Variants in INTS1 observed in about 807,000 individuals in gnomAD.
INTS1 encodes integrator complex subunit 1.
In INTS1, 137 loss-of-function variants were observed where a neutral mutation model predicts 241.6. That is an observed-to-expected ratio of 0.57 (90% CI 0.49 to 0.65). The LOEUF (loss-of-function observed/expected upper bound fraction) is 0.65. Among genes scored for constraint, INTS1 ranks in the 30% least tolerant of loss-of-function variants. The probability of loss-of-function intolerance (pLI) is 0.00; values close to 1 mark genes in which losing one functional copy is unlikely to be tolerated. For synonymous variants in INTS1, 1,692 were observed against 1,337.8 expected (o/e 1.26, Z -5.78); for missense variants, 3,073 against 3,032.2 (o/e 1.01, Z -0.32).
chr7:1,500,475 G>A, intron 3 of INTS1, 109 bp from the exon 4 acceptor site: 5 of 1,249,584 alleles, frequency 4.0e-6, no homozygotes, highest in Non-Finnish European at 5.4e-6. Context: ...GGTCGGCCCT[G>A]CCAGGGACCA....
intron 44 of INTS1, 145 bp downstream of exon 44, chr7:1,472,128 C>T: frequency 1.5e-6 from 1 of 653,992 alleles, no homozygotes; most frequent in Non-Finnish European, 2.7e-6. Context: ...GTGCTCCCCA[C>T]TGTGAGGAAC....
Position 1,481,577 on chromosome 7 carries a change from A to G in INTS1, c.3704-89T>C, listed in dbSNP as rs115419020. ...CCGAGACCTGGGGCTGCCTGTGTGCAGTGACCCCACCCACCTGAGACCCTG... is the reference window on the plus strand; with the variant it reads ...CCGAGACCTGGGGCTGCCTGTGTGCGGTGACCCCACCCACCTGAGACCCTG... On this transcript the variant is annotated intron_variant, in intron 27 of 47. Transcript: ENST00000404767. The surrounding 1 kb of genome is among the most constrained non-coding windows in gnomAD (Gnocchi z 6.8). The G allele has an allele frequency of 1.1e-3, 1,492 of 1,399,138 alleles. 12 individuals carry two copies. The African/African-American group carries it at 0.019, about 18-fold the overall frequency. 86.7% of individuals were successfully genotyped at this position (1,399,138 alleles called of 1,614,324 possible).
At position 1,478,356 on chromosome 7, in the gene INTS1, A is replaced by T. The variant is rs771570221; in HGVS notation, c.4630+10T>A. On this transcript the variant is annotated intron_variant, in intron 33 of 47. Coordinates refer to ENST00000404767, the MANE Select transcript of INTS1 (RefSeq NM_001080453.3). Reference sequence around the variant, plus strand: ...CGCCGTGGCCCAAGAGGATGGTGCCAGGAAGGTACCTTTGCTGATCAGGTC... The same window carrying T: ...CGCCGTGGCCCAAGAGGATGGTGCCTGGAAGGTACCTTTGCTGATCAGGTC... The T allele has an allele frequency of 6.2e-7, 1 of 1,611,212 alleles. No homozygotes were observed. Among genetic ancestry groups the T allele is most frequent in the Non-Finnish European group, 8.5e-7 (1 of 1,178,650 alleles).
At position 1,473,688 on chromosome 7, in the gene INTS1, G is replaced by A. The variant is rs1242993892; in HGVS notation, c.5835C>T (p.Tyr1945=). ...CAGCCAGATGGCGGGAGGACTTCCT[G>A]TAATTCTGCAAAGCAAAAGCGGCAC... ...LLSFIRLLLN[Y]RKSSRHLAAF... Residue 1945 remains tyrosine, a synonymous_variant, in exon 42 of 48, where the codon TAC becomes TAT. Transcript: ENST00000404767. 5.6e-6 allele frequency: 9 copies of A among 1,613,058 alleles called. No homozygotes were observed. The highest frequency in any genetic ancestry group is 7.6e-6 in the Non-Finnish European group (9 of 1,179,742).
At chr7:1,498,585 C>T (rs751725064) in intron 9 of INTS1, 32 bp from the exon 10 acceptor site, 8 of 1,611,056 alleles carry the variant, frequency 5.0e-6, no homozygotes, top group East Asian at 2.2e-5. Flanking sequence ...ACCCTGTCCC[C>T]GCTACGCCTG....
rs188106603 is a variant in INTS1 at position 1,493,672 on chromosome 7, G to A, written c.2068+82C>T. On this transcript the variant is annotated intron_variant, in intron 15 of 47. Coordinates refer to ENST00000404767, the MANE Select transcript of INTS1 (RefSeq NM_001080453.3). The surrounding 1 kb of genome is among the most constrained non-coding windows in gnomAD (Gnocchi z 5.3). ...AAGCGCAGCTTTGTGGAGCGCCCCA[G>A]AGGTGCGTGCCAGAGCCGGGGTTTC... 2,121 of 1,477,462 alleles carry A rather than the reference G, an allele frequency of 1.4e-3. 72 individuals are homozygous for A. The East Asian group carries it at 0.045, about 31-fold the overall frequency. The allele number at this position is 1,477,462 out of a possible 1,614,324, so 91.5% of individuals were successfully genotyped here.
chr7:1,498,823 C>G lies in INTS1; in HGVS notation c.1167G>C (p.Met389Ile). The stretch of plus-strand genomic sequence containing the variant: ...GCGTGTTGCAGTTCATGCAGACGGA[C>G]ATCAGCAGGTCCTGGGCCGGCCGGG... ...KLTRPAQDLL[M>I]SVCMNCNTHG... The change falls in exon 9 of 48, where the codon ATG becomes ATC. Residue 389 changes from methionine to isoleucine, a missense_variant. Coordinates refer to ENST00000404767, the MANE Select transcript of INTS1 (RefSeq NM_001080453.3). The G allele has an allele frequency of 1.2e-6, 2 of 1,606,030 alleles. No individual in the cohort carries two copies. Among genetic ancestry groups the G allele is most frequent in the Non-Finnish European group, 1.7e-6 (2 of 1,176,832 alleles).
rs7789292 is a variant in INTS1, at chr7:1,497,781, T to C, written c.1426-467A>G. 0.53 allele frequency among the ~76,000 whole-genome samples: 81,016 copies of C among 151,464 alleles called. 23,400 individuals carry two copies. The highest frequency in any genetic ancestry group is 0.77 in the African/African-American group (31,732 of 41,294). Reference sequence around the variant, plus strand: ...TGCCTCCCTCGTGTTTCACACTCCATAGAGCCCACCGGGAGGCCTAATGCG... The same window carrying C: ...TGCCTCCCTCGTGTTTCACACTCCACAGAGCCCACCGGGAGGCCTAATGCG... On this transcript the variant is annotated intron_variant, in intron 10 of 47. Transcript: ENST00000404767. This position sits in a 1 kb window ranked among gnomAD's most constrained non-coding sequence, Gnocchi z 5.3.
At chr7:1,503,763 G>A (rs1384625789) in intron 2 of INTS1, 140 bp downstream of exon 2, 2 of 649,112 alleles carry the variant, frequency 3.1e-6, no homozygotes, top group East Asian at 6.4e-5. Flanking sequence ...CGAGAGCAGT[G>A]TTTCCAGACC....
chr7:1,474,402 C>A, intron 40 of INTS1, 42 bp from the exon 41 acceptor site: 2 of 1,534,096 alleles, frequency 1.3e-6, no homozygotes, highest in Non-Finnish European at 1.7e-6. Context: ...GGCCGGCGGG[C>A]TCACCTGGCG....
chr7:1,499,169 AGAGGAGGGAGC>A lies in INTS1; in HGVS notation c.951-19_951-9del, dbSNP rs1360477796. ...TCCGCGAGCTCTTCGTACCTAGGCC[AGAGGAGGGAGC>A]GAGGAGGGAGGAAGGTGGCCCCGAG... is the stretch of plus-strand genomic sequence containing the variant. On this transcript the variant is annotated splice_polypyrimidine_tract_variant and intron_variant, in intron 7 of 47. Transcript: ENST00000404767. 4 of 1,607,390 alleles carry A rather than the reference AGAGGAGGGAGC, an allele frequency of 2.5e-6. No homozygotes were observed. The highest frequency in any genetic ancestry group is 2.2e-5 in the East Asian group (1 of 44,716).
At chr7:1,489,938 T>C (rs1356117236) in intron 16 of INTS1, among the ~76,000 whole-genome samples, 1 of 152,156 alleles carries the variant, frequency 6.6e-6, no homozygotes, top group African/African-American at 2.4e-5. Context: ...GGTGGATACA[T>C]AATAAACGTT....
At chr7:1,498,205 G>A (rs1782956584) in intron 10 of INTS1, 20 of 728,128 alleles carry the variant, frequency 2.7e-5, no homozygotes, top group Non-Finnish European at 3.9e-5. Context: ...CAGTTTCTGA[G>A]AAAGACGCTG....
chr7:1,492,027 A>G (rs1343775032), intron 16 of INTS1, among the ~76,000 whole-genome samples: 1 of 152,202 alleles, frequency 6.6e-6, no homozygotes, highest in Non-Finnish European at 1.5e-5. Context: ...ACCGTCACTC[A>G]GCGCTGGCGG....
At chr7:1,483,248 G>C (rs10952126) in intron 26 of INTS1, 100,152 of 228,374 alleles carry the variant, frequency 0.44, 22,659 homozygotes, top group East Asian at 0.7. Flanking sequence ...GTGTCAGCCA[G>C]GAGTAAAGGG....
intron 22 of INTS1, 161 bp from the exon 23 acceptor site, chr7:1,485,630 GCT>G: frequency 1.4e-6 from 1 of 698,200 alleles, no homozygotes; most frequent in Non-Finnish European, 2.3e-6. Context: ...ACGAGACTGA[GCT>G]CTTTCTGTTA....
rs745308986 is a variant in INTS1, at chr7:1,478,495, G to C, written c.4501C>G (p.Leu1501Val). The change falls in exon 33 of 48, where the codon CTC (leucine) becomes GTC (valine). Residue 1501 changes from leucine to valine, a missense_variant. By Grantham distance (32) the Leu-to-Val change is conservative. Coordinates refer to ENST00000404767, the MANE Select transcript of INTS1 (RefSeq NM_001080453.3). ...GRRLSDVRGG[L>V]LRLAEALAFR... ...GCCAGGGCCTCGGCCAGGCGCAGGA[G>C]CCCCCCTCGCACTGTGGGAGGTCTG... 1 of 1,610,780 alleles carries C rather than the reference G, an allele frequency of 6.2e-7. No homozygotes were observed. The highest frequency in any genetic ancestry group is 1.3e-5 in the African/African-American group (1 of 75,014).
chr7:1,499,972 T>C lies in INTS1; in HGVS notation c.596A>G (p.Lys199Arg). ...RRDASINFKA[K>R]GNSLVSVLAC... Reference sequence around the variant, plus strand: ...CAGCACAGACACCAGGCTGTTCCCCTTGGCCTTGAAGTTGATGGAGGCGTC... The same window carrying C: ...CAGCACAGACACCAGGCTGTTCCCCCTGGCCTTGAAGTTGATGGAGGCGTC... Residue 199 changes from lysine to arginine, a missense_variant, in exon 5 of 48, where the codon AAG becomes AGG. Physicochemically the swap from Lys to Arg is conservative, Grantham distance 26. Transcript: ENST00000404767. The C allele has an allele frequency of 2.5e-6, 4 of 1,613,668 alleles. No homozygotes were observed. The highest frequency in any genetic ancestry group is 3.4e-6 in the Non-Finnish European group (4 of 1,179,860).
chr7:1,489,956 T>C (rs1179345354), intron 16 of INTS1, among the ~76,000 whole-genome samples: 1 of 152,040 alleles, frequency 6.6e-6, no homozygotes, highest in Non-Finnish European at 1.5e-5. Flanking sequence ...GTTCATTAAG[T>C]GACAATGATT....
Sources: allele counts gnomAD v4.1 joint callset (sites outside exome capture counted in the v4.1 genomes callset), GRCh38; gene constraint gnomAD v4.1.1; non-coding constraint Gnocchi (gnomAD v3.1); transcripts MANE v1.5; gene names NCBI Gene and HGNC (gene_info 2026-07-23, HGNC 2026-07-21).